ZFHX3: variants seen among roughly 807,000 people sequenced by gnomAD.
The protein encoded by ZFHX3 is zinc finger homeobox protein 3.
In ZFHX3, 42 loss-of-function variants were observed where a neutral mutation model predicts 279.1. That is an observed-to-expected ratio of 0.15 (90% CI 0.12 to 0.19). ZFHX3 has a LOEUF of 0.19. ZFHX3 is among the 10% of genes least tolerant of loss of function. The pLI is 1.00. For synonymous variants in ZFHX3, 2,293 were observed against 1,957.8 expected (o/e 1.17, Z -4.52); for missense variants, 4,981 against 4,754.0 (o/e 1.05, Z -1.40).
chr16:72,934,152 G>A (rs8063835), intron 3 of ZFHX3, among the ~76,000 whole-genome samples: 14,557 of 152,200 alleles, frequency 0.096, 871 homozygotes, highest in African/African-American at 0.17. Context: ...TAGGCTAGGC[G>A]TGATGGCTCA....
chr16:73,101,684 G>C (rs1007344195), intron 7 of ZFHX3, among the ~76,000 whole-genome samples: 3 of 151,946 alleles, frequency 2.0e-5, no homozygotes, highest in African/African-American at 7.3e-5. Context: ...TTACAGGCGT[G>C]AGCCACTGTG....
chr16:72,891,290 C>T (rs1032483122), intron 3 of ZFHX3, among the ~76,000 whole-genome samples: 1 of 152,146 alleles, frequency 6.6e-6, no homozygotes, highest in Non-Finnish European at 1.5e-5. Flanking sequence ...AGCATGGCAG[C>T]CTAAGAGCCT....
At chr16:73,517,756 T>C (rs1034895494) in intron 2 of ZFHX3, among the ~76,000 whole-genome samples, 3 of 152,322 alleles carry the variant, frequency 2.0e-5, no homozygotes, top group East Asian at 3.9e-4. Flanking sequence ...CACTTTAATC[T>C]GGTATAACAC....
chr16:73,631,116 T>C (rs536064823), intron 2 of ZFHX3, among the ~76,000 whole-genome samples: 1 of 152,316 alleles, frequency 6.6e-6, no homozygotes, highest in South Asian at 2.1e-4. Context: ...GTAAGAGTTG[T>C]TGAGGACACC....
intron 3 of ZFHX3, among the ~76,000 whole-genome samples, chr16:73,351,031 G>A (rs1356826875): frequency 6.6e-6 from 1 of 152,154 alleles, no homozygotes; most frequent in Non-Finnish European, 1.5e-5. Context: ...CATAAGAAAG[G>A]GAAGTGACAC....
chr16:73,178,220 C>A (rs890735079), intron 5 of ZFHX3, among the ~76,000 whole-genome samples: 1 of 152,002 alleles, frequency 6.6e-6, no homozygotes, highest in South Asian at 2.1e-4. Flanking sequence ...TCACTGCAAC[C>A]TCTGCCTCCT....
chr16:73,314,433 C>T (rs1259366078), intron 4 of ZFHX3, among the ~76,000 whole-genome samples: 2 of 152,120 alleles, frequency 1.3e-5, no homozygotes, highest in African/African-American at 2.4e-5. Flanking sequence ...AACTATTATC[C>T]TCATTTTAAT....
chr16:72,958,969 C>T lies in ZFHX3; in HGVS notation c.1177G>A (p.Gly393Ser). 1 of 1,596,464 alleles carries T rather than the reference C, an allele frequency of 6.3e-7. No individual in the cohort carries two copies. Reference sequence around the variant, plus strand: ...AACAGGGTGCTGGGGGTCAAGAGACCAGCCTGGGGCTGCTCGGGGCCAGCG... The same window carrying T: ...AACAGGGTGCTGGGGGTCAAGAGACTAGCCTGGGGCTGCTCGGGGCCAGCG... Reference protein sequence around the residue: ...SAAGPEQPQAGLLTPSTLLNL... With the variant: ...SAAGPEQPQASLLTPSTLLNL... The change falls in exon 2 of 10, where the codon GGT (glycine) becomes AGT (serine). Residue 393 changes from glycine (G) to serine (S), a missense_variant. This residue lies in a region of ZFHX3 where 1,068 missense variants were observed against 935.2 expected (regional missense o/e 1.14). Coordinates refer to ENST00000268489, the MANE Select transcript of ZFHX3 (RefSeq NM_006885.4).
intron 1 of ZFHX3, among the ~76,000 whole-genome samples, chr16:72,983,207 T>C (rs537176667): frequency 6.6e-6 from 1 of 152,340 alleles, no homozygotes; most frequent in South Asian, 2.1e-4. Flanking sequence ...TAATAACCAC[T>C]GACCACCTTC....
chr16:72,875,301 G>A (rs1597335041), intron 4 of ZFHX3, among the ~76,000 whole-genome samples: 1 of 152,230 alleles, frequency 6.6e-6, no homozygotes, highest in East Asian at 1.9e-4. Context: ...GGCAGAAACT[G>A]GGCTCTGGAT....
At chr16:72,928,763 C>T (rs911305463) in intron 3 of ZFHX3, among the ~76,000 whole-genome samples, 1 of 152,188 alleles carries the variant, frequency 6.6e-6, no homozygotes, top group Non-Finnish European at 1.5e-5. Flanking sequence ...GAGTTCAAGA[C>T]CAACCTGGGC....
At chr16:73,805,764 G>A (rs1379764037) in intron 1 of ZFHX3, among the ~76,000 whole-genome samples, 2 of 152,186 alleles carry the variant, frequency 1.3e-5, no homozygotes, top group Non-Finnish European at 2.9e-5. Flanking sequence ...AAAGATGCAC[G>A]TATAATATAA....
intron 2 of ZFHX3, among the ~76,000 whole-genome samples, chr16:73,578,625 G>GT (rs1025469950): frequency 1.1e-4 from 17 of 151,374 alleles, no homozygotes; most frequent in South Asian, 2.1e-4. Flanking sequence ...GAAGTGATGT[G>GT]TTTTTTTTTA....
At chr16:72,951,055 A>C in intron 2 of ZFHX3, 90 bp from the exon 3 acceptor site, 1 of 1,513,928 alleles carries the variant, frequency 6.6e-7, no homozygotes, top group Non-Finnish European at 8.9e-7. Flanking sequence ...GCCACCCTCA[A>C]CTGGGGTCCA....
intron 3 of ZFHX3, among the ~76,000 whole-genome samples, chr16:73,412,694 T>A (rs1000390762): frequency 4.6e-5 from 7 of 152,326 alleles, no homozygotes; most frequent in African/African-American, 1.7e-4. Flanking sequence ...AATAGGCTTT[T>A]GTGGGCTGGC....
intron 3 of ZFHX3, among the ~76,000 whole-genome samples, chr16:73,324,160 C>T (rs1482512838): frequency 2.0e-5 from 3 of 152,194 alleles, no homozygotes; most frequent in African/African-American, 7.2e-5. Context: ...GGAATGGACT[C>T]ATATTCACAG....
rs113613370 is a variant in ZFHX3 at position 73,753,846 on chromosome 16, T to TCATAA, written c.-1607-73607_-1607-73606insTTATG. ...TACATATTGATAGGCTGACAAAATATTATGACCAGAGATGGACAGGAATCT... is the reference window on the plus strand; with the variant it reads ...TACATATTGATAGGCTGACAAAATATCATAATATGACCAGAGATGGACAGGAATCT... On this transcript the variant is annotated intron_variant, in intron 1 of 17. Coordinates refer to the ZFHX3 transcript ENST00000641206. Among the ~76,000 whole-genome samples, 14 of 152,248 alleles carry TCATAA rather than the reference T, an allele frequency of 9.2e-5. 2 individuals carry two copies. The highest frequency in any genetic ancestry group is 3.4e-4 in the African/African-American group (14 of 41,534).
In ZFHX3 at chr16:73,202,907, C is replaced by CT. The variant is rs10718356; in HGVS notation, c.-1104+54139dup. Among the ~76,000 whole-genome samples the CT allele has an allele frequency of 1.6e-3, 120 of 76,130 alleles. 3 individuals are homozygous for CT. In the South Asian group the frequency reaches 0.046, roughly 29 times the overall value. 49.9% of individuals were successfully genotyped at this position (76,130 alleles called of 152,430 possible). On this transcript the variant is annotated intron_variant, in intron 5 of 17. Transcript: ENST00000641206. ...CACAAGGCTTCATCTTTCTTTCTTT[C>CT]TTTTTTTTTTTTTTTTTTTTGCCTC...
intron 1 of ZFHX3, among the ~76,000 whole-genome samples, chr16:73,878,938 A>ATATATATAT (rs1449213855): frequency 9.5e-6 from 1 of 105,000 alleles, no homozygotes; most frequent in African/African-American, 5.1e-5. Flanking sequence ...CAAAAAAGAT[A>ATATATATAT]AGATATATAT....
Sources: gnomAD v4.1 joint callset for allele counts (sites outside exome capture counted in the v4.1 genomes callset) on GRCh38, gnomAD v4.1.1 for gene constraint, gnomAD v4.1.1 regional missense constraint, MANE v1.5 for transcripts, NCBI Gene and HGNC (gene_info 2026-07-23, HGNC 2026-07-21) for gene names.